Variants in ANKRD11 observed in about 807,000 individuals in gnomAD.
ANKRD11 encodes ankyrin repeat domain-containing protein 11.
ANKRD11 carries 17 observed loss-of-function variants against 195.7 expected under a neutral mutation model. That is an observed-to-expected ratio of 0.09 (90% CI 0.06 to 0.13). The LOEUF is 0.13. Ranked by LOEUF, ANKRD11 falls within the 10% of genes least tolerant of loss-of-function variation. The pLI, the probability that ANKRD11 is intolerant of heterozygous loss-of-function variation, is 1.00. For missense variants in ANKRD11, 3,735 were observed against 3,566.1 expected, an observed-to-expected ratio of 1.05 and a Z score of -1.21; for synonymous variants, 1,953 against 1,528.1, an observed-to-expected ratio of 1.28 and a Z score of -6.49.
At chr16:89,408,722 GACTC>G (rs906738201) in intron 2 of ANKRD11, among the ~76,000 whole-genome samples, 4 of 152,084 alleles carry the variant, frequency 2.6e-5, no homozygotes, top group African/African-American at 2.4e-5. Flanking sequence ...GAGTCCCCGG[GACTC>G]ACTCACTCAC....
rs532328686 is a variant in ANKRD11, at chr16:89,336,831, G to C, written c.-59-19753C>G. Among the ~76,000 whole-genome samples the C allele has an allele frequency of 3.3e-4, 50 of 152,134 alleles. No individual in the cohort carries two copies. In the South Asian group the frequency reaches 9.0e-3, roughly 27 times the overall value. Reference sequence around the variant, plus strand: ...AATATAAAGGAATGTCTTTCCATTAGAAAACAACTGCAGGCCGGGCGCGGT... The same window carrying C: ...AATATAAAGGAATGTCTTTCCATTACAAAACAACTGCAGGCCGGGCGCGGT... On this transcript the variant is annotated intron_variant, in intron 2 of 12. Transcript: ENST00000301030.
At chr16:89,433,948 A>ATC (rs1175364325) in intron 1 of ANKRD11, among the ~76,000 whole-genome samples, 1 of 152,200 alleles carries the variant, frequency 6.6e-6, no homozygotes, top group African/African-American at 2.4e-5. Flanking sequence ...TAACCACACT[A>ATC]TAAGGGAGAA....
chr16:89,288,675 A>C lies in ANKRD11; in HGVS notation c.602-5T>G. 6.2e-7 allele frequency: 1 copy of C among 1,614,054 alleles called. No homozygotes were observed. Among genetic ancestry groups the C allele is most frequent in the Non-Finnish European group, 8.5e-7 (1 of 1,180,034 alleles). ...CCTCGTGCAGCGCCGTCCAGCCTGGAAACAGACACTCAGGACGTACGTTAT... is the reference window on the plus strand; with the variant it reads ...CCTCGTGCAGCGCCGTCCAGCCTGGCAACAGACACTCAGGACGTACGTTAT... On this transcript the variant is annotated splice_region_variant and splice_polypyrimidine_tract_variant and intron_variant, in intron 6 of 12. Coordinates refer to ENST00000301030, the MANE Select transcript of ANKRD11 (RefSeq NM_013275.6).
chr16:89,361,844 C>CA (rs559407301), intron 2 of ANKRD11, among the ~76,000 whole-genome samples: 7 of 152,030 alleles, frequency 4.6e-5, no homozygotes, highest in South Asian at 2.1e-4. Flanking sequence ...ACAAAACAAA[C>CA]AAAAAAAATC....
chr16:89,434,480 G>A (rs2043127583), intron 1 of ANKRD11, among the ~76,000 whole-genome samples: 1 of 152,204 alleles, frequency 6.6e-6, no homozygotes, highest in African/African-American at 2.4e-5. Context: ...GCAGCCAGGA[G>A]GAGCAGCACC....
chr16:89,348,371 G>C (rs543227800), intron 2 of ANKRD11, among the ~76,000 whole-genome samples: 2 of 152,252 alleles, frequency 1.3e-5, no homozygotes, highest in South Asian at 4.2e-4. Context: ...TTGCTCATGA[G>C]GTATCGCTAT....
intron 2 of ANKRD11, among the ~76,000 whole-genome samples, chr16:89,416,031 T>C (rs1029086291): frequency 2.6e-5 from 4 of 151,730 alleles, no homozygotes; most frequent in Non-Finnish European, 5.9e-5. Flanking sequence ...TCGTATTCAA[T>C]CTAACCACCA....
chr16:89,407,585 C>T (rs1413005792), intron 2 of ANKRD11, among the ~76,000 whole-genome samples: 2 of 152,190 alleles, frequency 1.3e-5, no homozygotes, highest in Non-Finnish European at 1.5e-5. Context: ...CTTTGGGAGG[C>T]CGAGGCAGGT....
intron 1 of ANKRD11, among the ~76,000 whole-genome samples, chr16:89,469,227 T>C (rs1171484957): frequency 2.6e-5 from 4 of 151,972 alleles, no homozygotes; most frequent in Non-Finnish European, 5.9e-5. Context: ...ATATCCACTC[T>C]TTTTTTTCTT....
chr16:89,312,422 C>G (rs1413762436), intron 3 of ANKRD11, among the ~76,000 whole-genome samples: 1 of 152,014 alleles, frequency 6.6e-6, no homozygotes, highest in African/African-American at 2.4e-5. Flanking sequence ...AGCATGCAGG[C>G]ATGTGAACTG....
At chr16:89,396,815 T>C (rs566990470) in intron 2 of ANKRD11, among the ~76,000 whole-genome samples, 3 of 152,226 alleles carry the variant, frequency 2.0e-5, no homozygotes, top group South Asian at 4.2e-4. Context: ...GCCTCCCGAG[T>C]AGCTGGGACT....
At chr16:89,347,280 A>G (rs557165240) in intron 2 of ANKRD11, among the ~76,000 whole-genome samples, 1 of 152,278 alleles carries the variant, frequency 6.6e-6, no homozygotes, top group South Asian at 2.1e-4. Flanking sequence ...ACATGTGTGT[A>G]CCTGTATGTG....
rs570867527 is a variant in ANKRD11, at chr16:89,486,259, G to A, written c.-145+3986C>T. Among the ~76,000 whole-genome samples the A allele has an allele frequency of 7.9e-5, 12 of 152,126 alleles. No homozygotes were observed. In the East Asian group the frequency reaches 2.3e-3, roughly 29 times the overall value. Reference sequence around the variant, plus strand: ...AGAAGGCTGAGGCCTACACAACACAGGAAGACCCTGTTTCTACAAAAAGTA... The same window carrying A: ...AGAAGGCTGAGGCCTACACAACACAAGAAGACCCTGTTTCTACAAAAAGTA... On this transcript the variant is annotated intron_variant, in intron 1 of 12. Coordinates refer to ENST00000301030, the MANE Select transcript of ANKRD11 (RefSeq NM_013275.6).
At position 89,283,319 on chromosome 16, in the gene ANKRD11, C is replaced by A. The variant is rs750471983; in HGVS notation, c.3223G>T (p.Glu1075Ter). 1 of 1,613,976 alleles carries A rather than the reference C, an allele frequency of 6.2e-7. No individual in the cohort carries two copies. Among genetic ancestry groups the A allele is most frequent in the Non-Finnish European group, 8.5e-7 (1 of 1,180,034 alleles). ...CCTTGGTCGAGAGACGCTTTCCTTTCTTTGTCTTTGCCATGTGTGTCTTTA... is the reference window on the plus strand; with the variant it reads ...CCTTGGTCGAGAGACGCTTTCCTTTATTTGTCTTTGCCATGTGTGTCTTTA... ...KHKDTHGKDK[E>*]RKASLDQGKE... The change falls in exon 9 of 13, where the codon GAA (glutamate) becomes TAA (stop). Residue 1075 changes from glutamate to a stop codon, truncating the protein, a stop_gained. Transcript: ENST00000301030. LOFTEE classifies it high-confidence loss of function. The surrounding 1 kb of genome is among the most constrained non-coding windows in gnomAD (Gnocchi z 4.3).
rs540645978 is a variant in ANKRD11 at position 89,435,521 on chromosome 16, G to A, written c.-144-17153C>T. ...GCAGCTTCACTCCTGAAGTCAGCGA[G>A]ACCACGAACCCACCAGAAGGAAAAC... On this transcript the variant is annotated intron_variant, in intron 1 of 12. Transcript: ENST00000301030. 2.0e-4 allele frequency among the ~76,000 whole-genome samples: 30 copies of A among 152,158 alleles called. No homozygotes were observed. The East Asian group carries it at 3.3e-3, about 17-fold the overall frequency.
chr16:89,390,901 TG>T (rs1450019422), intron 2 of ANKRD11, among the ~76,000 whole-genome samples: 2 of 152,142 alleles, frequency 1.3e-5, no homozygotes, highest in African/African-American at 2.4e-5. Context: ...AACATGTAAG[TG>T]TCACCCTGAT....
intron 2 of ANKRD11, among the ~76,000 whole-genome samples, chr16:89,403,122 T>C (rs2041768594): frequency 6.6e-6 from 1 of 152,186 alleles, no homozygotes; most frequent in African/African-American, 2.4e-5. Context: ...CCTCTCAGCG[T>C]GACGTGCCCT....
At chr16:89,467,244 C>T (rs1311022430) in intron 1 of ANKRD11, among the ~76,000 whole-genome samples, 1 of 144,362 alleles carries the variant, frequency 6.9e-6, no homozygotes, top group Non-Finnish European at 1.5e-5. Context: ...TGGGCCAGGG[C>T]AACATGGCTA....
At position 89,270,868 on chromosome 16, in the gene ANKRD11, G is replaced by A; in HGVS notation, c.7755C>T (p.Arg2585=). Reference sequence around the variant, plus strand: ...CGTCCTGGAGCCAGGAGATGAACTGGCGGGCGTTGAAACGGTCGCGCACTG... The same window carrying A: ...CGTCCTGGAGCCAGGAGATGAACTGACGGGCGTTGAAACGGTCGCGCACTG... The part of the protein sequence containing the change: ...NKSVRDRFNA[R]QFISWLQDVD... Residue 2585 remains arginine (R), a synonymous_variant, in exon 12 of 13, where the codon CGC becomes CGT. Coordinates refer to ENST00000301030, the MANE Select transcript of ANKRD11 (RefSeq NM_013275.6). 6.2e-7 allele frequency: 1 copy of A among 1,614,084 alleles called. No individual in the cohort carries two copies. Among genetic ancestry groups the A allele is most frequent in the South Asian group, 1.1e-5 (1 of 91,086 alleles).
Sources: allele counts gnomAD v4.1 joint callset (sites outside exome capture counted in the v4.1 genomes callset), GRCh38; gene constraint gnomAD v4.1.1; non-coding constraint Gnocchi (gnomAD v3.1); transcripts MANE v1.5; gene names NCBI Gene and HGNC (gene_info 2026-07-23, HGNC 2026-07-21).